SAMD12: variants seen among roughly 807,000 people sequenced by gnomAD.
SAMD12 encodes sterile alpha motif domain-containing protein 12.
In SAMD12, 9 loss-of-function variants were observed where a neutral mutation model predicts 15.0. The observed-to-expected ratio is 0.60, with a 90% confidence interval of 0.36 to 1.05. The LOEUF is 1.05. Ranked by LOEUF, SAMD12 falls within the 50% of genes least tolerant of loss-of-function variation. The pLI is 0.01. For missense variants in SAMD12, 230 were observed against 234.2 expected (o/e 0.98, Z 0.12); for synonymous variants, 86 against 90.1 (o/e 0.96, Z 0.25).
At chr8:118,532,907 T>G (rs1319490314) in intron 2 of SAMD12, among the ~76,000 whole-genome samples, 1 of 152,138 alleles carries the variant, frequency 6.6e-6, no homozygotes, top group Non-Finnish European at 1.5e-5. Flanking sequence ...ATTCATTAAT[T>G]TTTTGAAGGG....
chr8:118,466,528 T>C (rs745395751), intron 2 of SAMD12, among the ~76,000 whole-genome samples: 1 of 152,222 alleles, frequency 6.6e-6, no homozygotes, highest in Non-Finnish European at 1.5e-5. Context: ...ATAGTAGGCA[T>C]ACCATAAATA....
chr8:118,158,103 G>T, the SAMD12 span, among the ~76,000 whole-genome samples: 5 of 152,160 alleles, frequency 3.3e-5, no homozygotes, highest in Non-Finnish European at 7.4e-5. Flanking sequence ...TAAGAGAAGT[G>T]GGAGCTGCCC....
the SAMD12 span, among the ~76,000 whole-genome samples, chr8:118,136,276 C>T: frequency 2.7e-5 from 4 of 150,752 alleles, no homozygotes; most frequent in Admixed American, 1.3e-4. Flanking sequence ...GTGATCCGCC[C>T]GCCTTGGCCT....
chr8:118,407,512 G>A (rs958144047), intron 3 of SAMD12, among the ~76,000 whole-genome samples: 6 of 152,198 alleles, frequency 3.9e-5, no homozygotes, highest in African/African-American at 1.4e-4. Context: ...AGGGGAAAAT[G>A]TTGGTAGAAG....
At chr8:118,254,516 C>T (rs1351468763) in intron 4 of SAMD12, among the ~76,000 whole-genome samples, 3 of 152,072 alleles carry the variant, frequency 2.0e-5, no homozygotes, top group Admixed American at 1.3e-4. Flanking sequence ...TTTTTGGAGA[C>T]AATAATTAAT....
At chr8:118,381,517 G>C (rs1819667895) in intron 3 of SAMD12, among the ~76,000 whole-genome samples, 1 of 152,150 alleles carries the variant, frequency 6.6e-6, no homozygotes, top group Non-Finnish European at 1.5e-5. Context: ...AGATGGGAGA[G>C]TATCTTTCAT....
intron 3 of SAMD12, among the ~76,000 whole-genome samples, chr8:118,389,948 C>T (rs1045240133): frequency 2.0e-5 from 3 of 152,022 alleles, no homozygotes; most frequent in Non-Finnish European, 4.4e-5. Context: ...ATATATGGGT[C>T]ATAGCCAAAC....
chr8:118,592,258 T>C (rs1827600574), intron 1 of SAMD12, among the ~76,000 whole-genome samples: 1 of 151,956 alleles, frequency 6.6e-6, no homozygotes, highest in Non-Finnish European at 1.5e-5. Context: ...GAGGCAGAGG[T>C]TGTGGTGAGC....
At chr8:118,461,241 T>C (rs1387166583) in intron 2 of SAMD12, among the ~76,000 whole-genome samples, 1 of 152,244 alleles carries the variant, frequency 6.6e-6, no homozygotes, top group Admixed American at 6.5e-5. Context: ...ATCCATCATT[T>C]CCATACTTCG....
At chr8:118,209,108 G>C (rs1819947376) in intron 4 of SAMD12, among the ~76,000 whole-genome samples, 1 of 152,120 alleles carries the variant, frequency 6.6e-6, no homozygotes, top group Non-Finnish European at 1.5e-5. Flanking sequence ...TTTCCCCTTG[G>C]GTCATACCAG....
At chr8:118,608,114 C>G (rs1445704587) in intron 1 of SAMD12, among the ~76,000 whole-genome samples, 2 of 152,116 alleles carry the variant, frequency 1.3e-5, no homozygotes, top group East Asian at 1.9e-4. Flanking sequence ...AGTACATTTT[C>G]CTCTTTTCAT....
At chr8:118,472,373 G>C (rs956521104) in intron 2 of SAMD12, among the ~76,000 whole-genome samples, 1 of 152,026 alleles carries the variant, frequency 6.6e-6, no homozygotes, top group Admixed American at 6.5e-5. Flanking sequence ...TCGAAAGCCT[G>C]TCACACAGCT....
chr8:118,494,800 A>G (rs567574110), intron 2 of SAMD12, among the ~76,000 whole-genome samples: 1 of 152,306 alleles, frequency 6.6e-6, no homozygotes, highest in South Asian at 2.1e-4. Context: ...GAGGACAAAA[A>G]CCATTTTCTT....
At chr8:118,425,616 A>G (rs1334832186) in intron 3 of SAMD12, among the ~76,000 whole-genome samples, 1 of 152,252 alleles carries the variant, frequency 6.6e-6, no homozygotes, top group Admixed American at 6.5e-5. Flanking sequence ...CCGATAGAGT[A>G]TAAAGCTCAG....
intron 3 of SAMD12, among the ~76,000 whole-genome samples, chr8:118,397,317 C>T (rs1018526297): frequency 6.6e-6 from 1 of 152,036 alleles, no homozygotes; most frequent in African/African-American, 2.4e-5. Flanking sequence ...CCAACAAGGA[C>T]ACTCCCAAGG....
At chr8:118,355,476 T>G (rs1818185050) in intron 4 of SAMD12, among the ~76,000 whole-genome samples, 1 of 152,078 alleles carries the variant, frequency 6.6e-6, no homozygotes, top group Admixed American at 6.6e-5. Flanking sequence ...AAAAACTTAC[T>G]CATGTAACCA....
downstream of SAMD12, among the ~76,000 whole-genome samples, chr8:118,377,143 T>C (rs1819429702): frequency 6.6e-6 from 1 of 152,148 alleles, no homozygotes; most frequent in Non-Finnish European, 1.5e-5. Flanking sequence ...ACGCCTGTAA[T>C]CCCAGCACTT....
intron 1 of SAMD12, among the ~76,000 whole-genome samples, chr8:118,590,037 G>T (rs779772527): frequency 6.6e-6 from 1 of 152,262 alleles, no homozygotes; most frequent in South Asian, 2.1e-4. Context: ...ATCTGGTGGT[G>T]AGTTCTCTCA....
chr8:118,568,706 G>A (rs1826920740), intron 2 of SAMD12, among the ~76,000 whole-genome samples: 1 of 152,158 alleles, frequency 6.6e-6, no homozygotes, highest in Non-Finnish European at 1.5e-5. Context: ...GGCAAGTCCA[G>A]GAGTTATTGA....
Sources: gnomAD v4.1 joint callset for allele counts (sites outside exome capture counted in the v4.1 genomes callset) on GRCh38, gnomAD v4.1.1 for gene constraint, MANE v1.5 for transcripts, NCBI Gene and HGNC (gene_info 2026-07-23, HGNC 2026-07-21) for gene names.